SLC16A5: variants seen among roughly 807,000 people sequenced by gnomAD.
The protein encoded by SLC16A5 is solute carrier family 16 member 5.
A neutral mutation model predicts 33.2 loss-of-function variants in SLC16A5; 29 were observed. The observed-to-expected ratio is 0.87, with a 90% CI of 0.65 to 1.19. SLC16A5 has a LOEUF of 1.19. Among genes scored for constraint, SLC16A5 ranks in the 50% most tolerant of loss-of-function variants. SLC16A5 has a pLI of 0.00. For missense variants in SLC16A5, 606 were observed against 678.2 expected (o/e 0.89, Z 1.18); for synonymous variants, 248 against 284.1 (o/e 0.87, Z 1.28).
intron 2 of SLC16A5, chr17:75,089,803 C>T (rs2073614390): frequency 6.7e-6 from 1 of 149,926 alleles, no homozygotes; most frequent in South Asian, 2.1e-4. Context: ...GGAGGTGCAG[C>T]CCAGCCTGGG....
chr17:75,092,515 C>T (rs1313970382), intron 2 of SLC16A5, among the ~76,000 whole-genome samples: 3 of 151,998 alleles, frequency 2.0e-5, no homozygotes, highest in Non-Finnish European at 2.9e-5. Flanking sequence ...TTAGTAGAGA[C>T]GGGGTTTCAC....
At chr17:75,096,450 A>T (rs2073719407) in intron 3 of SLC16A5, among the ~76,000 whole-genome samples, 1 of 150,390 alleles carries the variant, frequency 6.6e-6, no homozygotes, top group African/African-American at 2.5e-5. Flanking sequence ...CCCCCTCTAC[A>T]GGGGCAGAGA....
At chr17:75,103,912 A>G (rs2073829955) in intron 5 of SLC16A5, 58 bp from the exon 6 acceptor site, 12 of 1,490,462 alleles carry the variant, frequency 8.1e-6, no homozygotes, top group Admixed American at 5.1e-5. Flanking sequence ...CAGGGAACAC[A>G]CAGCTGAGTT....
chr17:75,100,180 C>T lies in SLC16A5; in HGVS notation c.517C>T (p.Leu173Phe), dbSNP rs759474523. The T allele has an allele frequency of 1.1e-5, 18 of 1,614,112 alleles. No homozygotes were observed. The highest frequency in any genetic ancestry group is 1.5e-5 in the Non-Finnish European group (18 of 1,180,038). ...GAACCTGGGCTGGAGGGGTACCTTC[C>T]TTGTCTTCGGCGGGATCTTTCTCCA... ...LENLGWRGTF[L>F]VFGGIFLHCC... The change falls in exon 5 of 7, where the codon CTT becomes TTT. Residue 173 changes from leucine to phenylalanine, a missense_variant. By Grantham distance (22) the Leu-to-Phe change is conservative. Transcript: ENST00000329783.
intron 4 of SLC16A5, 128 bp from the exon 5 acceptor site, chr17:75,099,879 G>A: frequency 1.1e-6 from 1 of 882,100 alleles, no homozygotes; most frequent in Non-Finnish European, 1.7e-6. Context: ...AGTCCCCAGG[G>A]ACTTGGAGCT....
Position 75,098,092 on chromosome 17 carries a change from TG to T in SLC16A5, c.260del (p.Gly87AlafsTer103). 1.9e-6 allele frequency: 3 copies of T among 1,609,724 alleles called. No homozygotes were observed. The highest frequency in any genetic ancestry group is 2.3e-5 in the East Asian group (1 of 44,210). The stretch of plus-strand genomic sequence containing the variant: ...TTCGGCTGCCGAGTGACCGTGATGC[TG>T]GGGGGCGTGCTGGCCAGCCTGGGCA... ...GRFGCRVTVMLGGVLASLGMV... is the reference protein window; with the variant it reads ...GRFGCRVTVMXGGVLASLGMV... On this transcript the variant is annotated frameshift_variant, in exon 4 of 7. Transcript: ENST00000329783. LOFTEE classifies it high-confidence loss of function.
Position 75,093,584 on chromosome 17 carries a change from C to G in SLC16A5, c.-48-5C>G, listed in dbSNP as rs59339356. 0.058 allele frequency: 91,533 copies of G among 1,572,844 alleles called. 3,263 individuals are homozygous for G. The highest frequency in any genetic ancestry group is 0.16 in the African/African-American group (11,768 of 74,290). On this transcript the variant is annotated splice_region_variant and splice_polypyrimidine_tract_variant and intron_variant, in intron 2 of 6. Transcript: ENST00000329783. The stretch of plus-strand genomic sequence containing the variant: ...CCACCAGGCTCCATTCTGTCCCCTC[C>G]CCAGGCAGCAGCCACATTGGCAGTG...
Position 75,105,913 on chromosome 17 carries a change from C to T in SLC16A5, c.1398C>T (p.Gly466=), listed in dbSNP as rs1207574938. The change falls in exon 7 of 7, where the codon GGC becomes GGT. Residue 466 remains glycine, a synonymous_variant. Transcript: ENST00000329783. ...CQSSRQPRPA[G]VNKHLWGCPA... is the part of the protein sequence containing the mutation. Reference sequence around the variant, plus strand: ...CTTCCCGCCAGCCACGTCCAGCTGGCGTCAATAAGCATCTTTGGGGATGTC... The same window carrying T: ...CTTCCCGCCAGCCACGTCCAGCTGGTGTCAATAAGCATCTTTGGGGATGTC... The T allele has an allele frequency of 6.8e-6, 11 of 1,608,028 alleles. No homozygotes were observed. Among genetic ancestry groups the T allele is most frequent in the Non-Finnish European group, 6.8e-6 (8 of 1,175,708 alleles).
intron 2 of SLC16A5, among the ~76,000 whole-genome samples, chr17:75,091,227 G>C (rs931734295): frequency 1.3e-5 from 2 of 152,190 alleles, no homozygotes; most frequent in Non-Finnish European, 2.9e-5. Flanking sequence ...GGAGAGGCGA[G>C]CTATGGAGCA....
chr17:75,093,339 C>T, intron 2 of SLC16A5: 1 of 1,438,792 alleles, frequency 7.0e-7, no homozygotes. Context: ...CCGTCCTGTC[C>T]CTCCTATCCC....
At chr17:75,099,921 G>A (rs899545277) in intron 4 of SLC16A5, 86 bp from the exon 5 acceptor site, 44 of 1,238,218 alleles carry the variant, frequency 3.6e-5, no homozygotes, top group Non-Finnish European at 4.3e-5. Context: ...GAGGGCAGGT[G>A]TGTGAAATGA....
chr17:75,093,007 T>C (rs2073663155), intron 2 of SLC16A5, among the ~76,000 whole-genome samples: 1 of 152,010 alleles, frequency 6.6e-6, no homozygotes. Flanking sequence ...AAGCTGCTGG[T>C]TGGGTGCTTG....
intron 3 of SLC16A5, among the ~76,000 whole-genome samples, chr17:75,097,835 GA>G: frequency 6.6e-6 from 1 of 152,154 alleles, no homozygotes. Context: ...CTTTGTAGGG[GA>G]AAAAATTGAG....
At chr17:75,105,259 C>T (rs1015299502) in intron 6 of SLC16A5, 3 of 985,326 alleles carry the variant, frequency 3.0e-6, no homozygotes, top group African/African-American at 3.5e-5. Flanking sequence ...AGGACCTGCT[C>T]TATCAAGGGG....
intron 1 of SLC16A5, among the ~76,000 whole-genome samples, chr17:75,088,497 C>G (rs2073597647): frequency 6.6e-6 from 1 of 152,114 alleles, no homozygotes; most frequent in African/African-American, 2.4e-5. Context: ...CCCAGCCACC[C>G]CACCTCTGGG....
downstream of SLC16A5, among the ~76,000 whole-genome samples, chr17:75,107,394 A>G (rs1157946031): frequency 1.3e-5 from 2 of 152,228 alleles, no homozygotes; most frequent in Non-Finnish European, 2.9e-5. Flanking sequence ...TCTGGGCAGA[A>G]TTCCTTCAAT....
At chr17:75,093,437 C>T in intron 2 of SLC16A5, 152 bp from the exon 3 acceptor site, 1 of 1,535,944 alleles carries the variant, frequency 6.5e-7, no homozygotes, top group South Asian at 1.2e-5. Context: ...ACGCGTGGGC[C>T]TCTGGCCACC....
chr17:75,097,661 C>A (rs2073737874), intron 3 of SLC16A5, among the ~76,000 whole-genome samples: 1 of 152,098 alleles, frequency 6.6e-6, no homozygotes, highest in Non-Finnish European at 1.5e-5. Flanking sequence ...TGCCCCGACT[C>A]CTCCCACCAA....
chr17:75,092,028 G>GGT (rs535726400), intron 2 of SLC16A5, among the ~76,000 whole-genome samples: 49,334 of 149,416 alleles, frequency 0.33, 8,919 homozygotes, highest in East Asian at 0.6. Flanking sequence ...ATGTGAGGGG[G>GGT]GTGTGTGTGT....
Sources: gnomAD v4.1 joint callset for allele counts (sites outside exome capture counted in the v4.1 genomes callset) on GRCh38, gnomAD v4.1.1 for gene constraint, MANE v1.5 for transcripts, NCBI Gene and HGNC (gene_info 2026-07-23, HGNC 2026-07-21) for gene names.